The following BRD9 variants were observed in gnomAD, a reference collection of about 807,000 sequenced individuals.
BRD9 encodes the protein bromodomain containing 9.
Under a neutral mutation model 68.7 loss-of-function variants are expected in BRD9, and 47 were observed. The observed-to-expected ratio is 0.68, with a 90% CI of 0.54 to 0.87. BRD9 has a LOEUF of 0.87. BRD9 is among the 40% of genes least tolerant of loss of function. The pLI is 0.00. For synonymous variants in BRD9, 313 were observed against 293.9 expected (o/e 1.06, Z -0.67); for missense variants, 670 against 748.4 (o/e 0.90, Z 1.22).
intron 14 of BRD9, among the ~76,000 whole-genome samples, chr5:867,394 T>G (rs1195044517): frequency 6.6e-6 from 1 of 152,214 alleles, no homozygotes; most frequent in African/African-American, 2.4e-5. Flanking sequence ...ACTGGGGCAC[T>G]GCCTAGTGGA....
chr5:873,266 A>T (rs1036516086), intron 12 of BRD9, among the ~76,000 whole-genome samples: 2 of 152,190 alleles, frequency 1.3e-5, no homozygotes, highest in African/African-American at 4.8e-5. Flanking sequence ...CCTCCCCAAC[A>T]AACTAATCTA....
chr5:873,523 C>T (rs1473436500), intron 12 of BRD9, among the ~76,000 whole-genome samples: 1 of 152,212 alleles, frequency 6.6e-6, no homozygotes, highest in African/African-American at 2.4e-5. Context: ...TAGGCCAAGC[C>T]GACATGTAAC....
intron 10 of BRD9, 119 bp from the exon 11 acceptor site, chr5:878,606 C>T: frequency 3.5e-6 from 5 of 1,408,794 alleles, no homozygotes; most frequent in Admixed American, 3.7e-5. Context: ...CCCAGTCTCA[C>T]CTCTCTTGCT....
intron 8 of BRD9, chr5:883,308 T>C: frequency 2.2e-6 from 1 of 456,392 alleles, no homozygotes; most frequent in East Asian, 6.9e-5. Context: ...AGATAAAATG[T>C]TGGATATAGA....
intron 14 of BRD9, among the ~76,000 whole-genome samples, chr5:867,186 T>C (rs1749497662): frequency 6.6e-6 from 1 of 152,140 alleles, no homozygotes; most frequent in Admixed American, 6.5e-5. Flanking sequence ...AGCTTCCACA[T>C]GGTGTTGGGT....
chr5:881,629 C>A (rs539960475), intron 8 of BRD9: 248 of 235,848 alleles, frequency 1.1e-3, no homozygotes, highest in Non-Finnish European at 1.9e-3. Flanking sequence ...AGAGGAGGCA[C>A]TGGTGTGTGC....
chr5:892,235 G>A, intron 1 of BRD9: 1 of 445,066 alleles, frequency 2.2e-6, no homozygotes, highest in Non-Finnish European at 3.9e-6. Flanking sequence ...CGTGCTGCCC[G>A]CTGACACCCA....
At chr5:873,502 T>C (rs1750450115) in intron 12 of BRD9, among the ~76,000 whole-genome samples, 2 of 152,228 alleles carry the variant, frequency 1.3e-5, no homozygotes, top group African/African-American at 4.8e-5. Context: ...TGCTTGCAGA[T>C]ACCGCCCTTC....
At chr5:868,193 G>A (rs183757311) in intron 14 of BRD9, among the ~76,000 whole-genome samples, 57 of 152,218 alleles carry the variant, frequency 3.7e-4, no homozygotes, top group East Asian at 1.9e-3. Context: ...TTCATCTTCC[G>A]CCATGATTGG....
chr5:870,937 G>A (rs959769368), intron 13 of BRD9, among the ~76,000 whole-genome samples: 1 of 152,212 alleles, frequency 6.6e-6, no homozygotes, highest in Non-Finnish European at 1.5e-5. Context: ...AGCACACAAC[G>A]TTCCCTTTCC....
chr5:872,195 G>A (rs545212141), intron 12 of BRD9, among the ~76,000 whole-genome samples: 1 of 152,360 alleles, frequency 6.6e-6, no homozygotes, highest in Admixed American at 6.5e-5. Flanking sequence ...TGTAGTATAT[G>A]CACTCTATCA....
chr5:873,868 C>G (rs1750510714), intron 12 of BRD9, among the ~76,000 whole-genome samples: 1 of 152,190 alleles, frequency 6.6e-6, no homozygotes, highest in Non-Finnish European at 1.5e-5. Flanking sequence ...GAACTCCACC[C>G]ACAGCAGAGA....
At chr5:887,202 A>AG (rs1378489962) in intron 6 of BRD9, among the ~76,000 whole-genome samples, 159 bp downstream of exon 6, 2 of 152,210 alleles carry the variant, frequency 1.3e-5, no homozygotes, top group Non-Finnish European at 2.9e-5. Flanking sequence ...ATGAGCAGAG[A>AG]GGGCGGCCGG....
chr5:891,319 C>CA, intron 2 of BRD9, 32 bp from the exon 3 acceptor site: 1 of 1,546,696 alleles, frequency 6.5e-7, no homozygotes, highest in Non-Finnish European at 8.7e-7. Flanking sequence ...GTGAGAAAGG[C>CA]AGGAGTAGGC....
intron 13 of BRD9, among the ~76,000 whole-genome samples, 169 bp downstream of exon 13, chr5:871,357 C>T (rs567670826): frequency 6.6e-6 from 1 of 152,364 alleles, no homozygotes; most frequent in Non-Finnish European, 1.5e-5. Flanking sequence ...TCACACCACT[C>T]ACCTCAAGTC....
At chr5:882,909 C>T (rs73733950) in intron 8 of BRD9, 6,018 of 263,384 alleles carry the variant, frequency 0.023, 329 homozygotes, top group African/African-American at 0.12. Context: ...ACATAAGCCA[C>T]GCAGACCACA....
Position 866,765 on chromosome 5 carries a change from G to A in BRD9, c.1526-1184C>T, listed in dbSNP as rs547943614. On this transcript the variant is annotated intron_variant, in intron 14 of 15. Transcript: ENST00000467963. The stretch of plus-strand genomic sequence containing the variant: ...TTTCTAAGCACTAAAGCATTCAAGA[G>A]GTGACTTGGCTGCTTCTAAAAGCCT... 9.1e-4 allele frequency among the ~76,000 whole-genome samples: 139 copies of A among 152,292 alleles called. 1 individual carries two copies. Among genetic ancestry groups the A allele is most frequent in the African/African-American group, 3.3e-3 (136 of 41,558 alleles).
intron 6 of BRD9, 111 bp downstream of exon 6, chr5:887,250 G>C (rs1752705841): frequency 1.1e-6 from 1 of 887,808 alleles, no homozygotes; most frequent in Non-Finnish European, 1.8e-6. Flanking sequence ...AACACCATGA[G>C]GGTGGCGGGT....
At chr5:889,248 A>T in intron 4 of BRD9, 83 bp from the exon 5 acceptor site, 4 of 1,407,328 alleles carry the variant, frequency 2.8e-6, no homozygotes, top group South Asian at 1.3e-5. Flanking sequence ...ATTGGATACA[A>T]CTGACCGAAT....
Sources: gnomAD v4.1 joint callset for allele counts (sites outside exome capture counted in the v4.1 genomes callset) on GRCh38, gnomAD v4.1.1 for gene constraint, MANE v1.5 for transcripts, NCBI Gene and HGNC (gene_info 2026-07-23, HGNC 2026-07-21) for gene names.